Variants in TASP1 observed in about 807,000 individuals in gnomAD.
The protein encoded by TASP1 is taspase 1.
In TASP1, 16 loss-of-function variants were observed where a neutral mutation model predicts 56.6. The ratio of observed to expected loss-of-function variants is 0.28; its 90% CI spans 0.19 to 0.43. The LOEUF is 0.43. TASP1 is among the 20% of genes least tolerant of loss of function. The pLI is 1.00. For missense variants in TASP1, 393 were observed against 511.6 expected (o/e 0.77, Z 2.24); for synonymous variants, 179 against 184.2 (o/e 0.97, Z 0.23).
rs1390044348 is a variant in TASP1, at chr20:13,587,235, A to G, written c.403+15T>C. The G allele has an allele frequency of 6.3e-7, 1 of 1,599,046 alleles. No individual in the cohort carries two copies. Among genetic ancestry groups the G allele is most frequent in the South Asian group, 1.1e-5 (1 of 87,556 alleles). On this transcript the variant is annotated intron_variant, in intron 5 of 13. Coordinates refer to ENST00000337743, the MANE Select transcript of TASP1 (RefSeq NM_017714.3). The stretch of plus-strand genomic sequence containing the variant: ...CATGATTTTCCAAAGATAGTAGGTC[A>G]TAATGCCCACATACCACTCAGTGCT...
chr20:13,221,722 A>ACCG, the TASP1 span: 61 of 1,313,152 alleles, frequency 4.6e-5, no homozygotes, highest in South Asian at 5.9e-5. Context: ...CCCCGGCGTC[A>ACCG]CCGCCGCCGC....
the TASP1 span, among the ~76,000 whole-genome samples, chr20:13,290,386 A>C: frequency 1.3e-5 from 2 of 152,258 alleles, no homozygotes; most frequent in Non-Finnish European, 2.9e-5. Context: ...GCGGTGGCTC[A>C]TGCCTGTAAT....
chr20:13,331,262 G>A, the TASP1 span, among the ~76,000 whole-genome samples: 2 of 152,094 alleles, frequency 1.3e-5, no homozygotes, highest in Admixed American at 1.3e-4. Context: ...CTTTTAGGGA[G>A]GTTATTAAAC....
At chr20:13,630,708 AAAG>A (rs1478485808) in intron 1 of TASP1, among the ~76,000 whole-genome samples, 1 of 150,370 alleles carries the variant, frequency 6.7e-6, no homozygotes, top group Non-Finnish European at 1.5e-5. Flanking sequence ...AAAAAAAAAA[AAAG>A]GAGTCTCAAA....
the TASP1 span, among the ~76,000 whole-genome samples, chr20:13,343,906 C>T: frequency 6.6e-6 from 1 of 152,008 alleles, no homozygotes; most frequent in Admixed American, 6.6e-5. Context: ...GCCCAGTTTC[C>T]AAGGTCATCA....
At chr20:13,567,200 T>G (rs1352531249) in intron 7 of TASP1, among the ~76,000 whole-genome samples, 1 of 151,454 alleles carries the variant, frequency 6.6e-6, no homozygotes, top group Non-Finnish European at 1.5e-5. Context: ...CTCTCACTTA[T>G]AAGTGGGAGC....
chr20:13,507,254 T>TAGG (rs2044166391), intron 10 of TASP1, among the ~76,000 whole-genome samples: 2 of 152,234 alleles, frequency 1.3e-5, no homozygotes, highest in Non-Finnish European at 2.9e-5. Context: ...AACATTGGGC[T>TAGG]AGGAACAGTG....
the TASP1 span, among the ~76,000 whole-genome samples, chr20:13,297,970 C>G: frequency 1.3e-5 from 2 of 152,202 alleles, no homozygotes; most frequent in South Asian, 4.2e-4. Context: ...GGTTACATGC[C>G]TAAGGTTAAG....
At chr20:13,463,937 T>C (rs1228379691) in intron 11 of TASP1, among the ~76,000 whole-genome samples, 2 of 152,228 alleles carry the variant, frequency 1.3e-5, no homozygotes, top group Admixed American at 6.5e-5. Context: ...GAAAACAGTA[T>C]AGCAGTTCCT....
chr20:13,462,728 A>G (rs1024405854), intron 11 of TASP1, among the ~76,000 whole-genome samples: 59 of 152,198 alleles, frequency 3.9e-4, no homozygotes, highest in Admixed American at 1.7e-3. Flanking sequence ...TCTATATACT[A>G]ATAATGAACA....
chr20:13,478,453 A>G (rs1418550868), intron 11 of TASP1, among the ~76,000 whole-genome samples: 3 of 152,252 alleles, frequency 2.0e-5, no homozygotes, highest in South Asian at 4.1e-4. Flanking sequence ...CATTATCTTA[A>G]CTGAAATAAC....
intron 6 of TASP1, among the ~76,000 whole-genome samples, chr20:13,580,441 T>C (rs1468673486): frequency 6.6e-6 from 1 of 151,970 alleles, no homozygotes; most frequent in East Asian, 1.9e-4. Flanking sequence ...AGTGAGACCC[T>C]GTCTCAAAAA....
the TASP1 span, among the ~76,000 whole-genome samples, chr20:13,257,571 G>A: frequency 3.3e-5 from 5 of 151,966 alleles, no homozygotes; most frequent in African/African-American, 1.2e-4. Flanking sequence ...CTCCCCTCTC[G>A]AATCAGTGAT....
chr20:13,184,324 T>A, the TASP1 span, among the ~76,000 whole-genome samples: 1 of 152,262 alleles, frequency 6.6e-6, no homozygotes, highest in South Asian at 2.1e-4. Flanking sequence ...ATGTGAAAAG[T>A]GATTTAATTG....
chr20:13,269,271 C>A, the TASP1 span, among the ~76,000 whole-genome samples: 18 of 152,148 alleles, frequency 1.2e-4, no homozygotes, highest in African/African-American at 4.1e-4. Flanking sequence ...AGTAAATCTT[C>A]TGTGAGAGGA....
chr20:13,366,894 A>T, the TASP1 span, among the ~76,000 whole-genome samples: 7 of 141,804 alleles, frequency 4.9e-5, no homozygotes, highest in East Asian at 2.1e-4. Flanking sequence ...ACTCTCTCTC[A>T]CACACACACT....
intron 1 of TASP1, among the ~76,000 whole-genome samples, chr20:13,636,140 CTTTTTTTTTTT>C (rs36048272): frequency 2.0e-5 from 2 of 98,030 alleles, no homozygotes; most frequent in South Asian, 7.1e-4. Context: ...TGTGTTGTTG[CTTTTTTTTTTT>C]TTTTTTTTTT....
intron 4 of TASP1, among the ~76,000 whole-genome samples, chr20:13,620,081 T>A (rs1324343421): frequency 1.3e-5 from 2 of 152,120 alleles, no homozygotes; most frequent in Non-Finnish European, 2.9e-5. Flanking sequence ...CCTCCTTTAC[T>A]TAAATGAAGA....
intron 10 of TASP1, among the ~76,000 whole-genome samples, chr20:13,522,387 T>C (rs1405336431): frequency 1.3e-5 from 2 of 152,142 alleles, no homozygotes; most frequent in Admixed American, 1.3e-4. Flanking sequence ...CACAGAACTG[T>C]TGGTGGCCAT....
Sources: gnomAD v4.1 joint callset for allele counts (sites outside exome capture counted in the v4.1 genomes callset) on GRCh38, gnomAD v4.1.1 for gene constraint, MANE v1.5 for transcripts, NCBI Gene and HGNC (gene_info 2026-07-23, HGNC 2026-07-21) for gene names.